The following ACAN variants were observed in gnomAD, a reference collection of about 807,000 sequenced individuals.
ACAN encodes the protein aggrecan core protein.
Under a neutral mutation model 169.1 loss-of-function variants are expected in ACAN, and 47 were observed. The ratio of observed to expected loss-of-function variants is 0.28; its 90% CI spans 0.22 to 0.35. The LOEUF (loss-of-function observed/expected upper bound fraction) is 0.35, where lower values mean the gene tolerates loss of function less well. Ranked by LOEUF, ACAN falls within the 10% of genes least tolerant of loss-of-function variation. ACAN has a pLI of 1.00. For synonymous variants in ACAN, 1,115 were observed against 1,112.2 expected, an observed-to-expected ratio of 1.00 and a Z score of -0.05; for missense variants, 2,716 against 2,759.9, an observed-to-expected ratio of 0.98 and a Z score of 0.36.
At position 88,872,984 on chromosome 15, in the gene ACAN, C is replaced by T. The variant is rs1008765397; in HGVS notation, c.7406C>T (p.Pro2469Leu). ...GAGAAGGGCGAGTGGAATGATGTTC[C>T]CTGCAATTACCACCTCCCCTTCACG... Reference protein sequence around the residue: ...WHEKGEWNDVPCNYHLPFTCK... With the variant: ...WHEKGEWNDVLCNYHLPFTCK... Residue 2469 changes from proline (P) to leucine (L), a missense_variant, in exon 17 of 19, where the codon CCC becomes CTC. Pro to Leu is a moderately conservative substitution (Grantham distance 98, BLOSUM62 -3). This residue lies in a region of ACAN where 1,389 missense variants were observed against 1,363.7 expected (regional missense o/e 1.02). Coordinates refer to ENST00000560601, the MANE Select transcript of ACAN (RefSeq NM_001369268.1). This position sits in a 1 kb window ranked among gnomAD's most constrained non-coding sequence, Gnocchi z 5.4. 1 of 1,613,640 alleles carries T rather than the reference C, an allele frequency of 6.2e-7. No individual in the cohort carries two copies. Among genetic ancestry groups the T allele is most frequent in the Non-Finnish European group, 8.5e-7 (1 of 1,179,820 alleles).
chr15:88,826,995 A>G (rs1051090342), intron 1 of ACAN, among the ~76,000 whole-genome samples: 10 of 152,188 alleles, frequency 6.6e-5, no homozygotes, highest in Non-Finnish European at 1.5e-4. Flanking sequence ...TCTCTGAGCC[A>G]TTGTCTTCCT....
At position 88,855,196 on chromosome 15, in the gene ACAN, A is replaced by G. The variant is rs1290760388; in HGVS notation, c.2611A>G (p.Thr871Ala). Residue 871 changes from threonine to alanine, a missense_variant, in exon 12 of 19, where the codon ACA (threonine) becomes GCA (alanine). Thr to Ala is a moderately conservative substitution (Grantham distance 58). Transcript: ENST00000560601. ...SGAPDVSGDF[T>A]GSGDVSGHLD... ...GGCCCCTGATGTCAGTGGTGACTTC[A>G]CAGGCAGTGGAGATGTTTCAGGACA... The G allele has an allele frequency of 6.2e-7, 1 of 1,607,190 alleles. No homozygotes were observed. Among genetic ancestry groups the G allele is most frequent in the South Asian group, 1.1e-5 (1 of 90,518 alleles).
At chr15:88,829,821 G>A (rs1269650191) in intron 1 of ACAN, among the ~76,000 whole-genome samples, 1 of 152,204 alleles carries the variant, frequency 6.6e-6, no homozygotes, top group Non-Finnish European at 1.5e-5. Flanking sequence ...ATACCATTTT[G>A]TGTTATTCCT....
At chr15:88,833,341 C>A (rs991041836) in intron 1 of ACAN, among the ~76,000 whole-genome samples, 1 of 152,166 alleles carries the variant, frequency 6.6e-6, no homozygotes, top group African/African-American at 2.4e-5. Context: ...GACTCTCACC[C>A]GGCCTTCACC....
intron 1 of ACAN, among the ~76,000 whole-genome samples, chr15:88,825,409 C>G (rs1343912264): frequency 6.6e-6 from 1 of 152,204 alleles, no homozygotes; most frequent in Non-Finnish European, 1.5e-5. Context: ...TTTCCAGAGG[C>G]CTCACCTATG....
At chr15:88,836,941 C>T (rs1409469445) in intron 2 of ACAN, among the ~76,000 whole-genome samples, 2 of 152,232 alleles carry the variant, frequency 1.3e-5, no homozygotes, top group African/African-American at 4.8e-5. Flanking sequence ...CCCCCACTGG[C>T]CATCCTCCAG....
At position 88,849,204 on chromosome 15, in the gene ACAN, C is replaced by T. The variant is rs1157966814; in HGVS notation, c.1733-234C>T. Among the ~76,000 whole-genome samples, 1 of 152,186 alleles carries T rather than the reference C, an allele frequency of 6.6e-6. No homozygotes were observed. Among genetic ancestry groups the T allele is most frequent in the Non-Finnish European group, 1.5e-5 (1 of 68,022 alleles). On this transcript the variant is annotated intron_variant, in intron 9 of 18. Transcript: ENST00000560601. This position sits in a 1 kb window ranked among gnomAD's most constrained non-coding sequence, Gnocchi z 5.1. ...TTTACGGGAATTTTGCCTTTTTTGG[C>T]ACCGAAAGTCCTATGTACCGGGAAA...
rs1897136821 is a variant in ACAN, at chr15:88,859,100, C to A, written c.6515C>A (p.Thr2172Asn). 2 of 1,613,768 alleles carry A rather than the reference C, an allele frequency of 1.2e-6. No individual in the cohort carries two copies. Among genetic ancestry groups the A allele is most frequent in the South Asian group, 1.1e-5 (1 of 91,094 alleles). The change falls in exon 12 of 19, where the codon ACC (threonine) becomes AAC (asparagine). Residue 2172 changes from threonine (T) to asparagine (N), a missense_variant. By Grantham distance (65) the Thr-to-Asn change is moderately conservative (BLOSUM62 0). Transcript: ENST00000560601. Reference protein sequence around the residue: ...SAAPEVSGESTTTSDVGTEAP... With the variant: ...SAAPEVSGESNTTSDVGTEAP... The stretch of plus-strand genomic sequence containing the variant: ...GCCCCAGAAGTGAGTGGAGAATCCA[C>A]CACCACCAGTGATGTGGGGACAGAG...
chr15:88,847,416 A>G lies in ACAN; in HGVS notation c.1603A>G (p.Arg535Gly). 3 of 1,569,486 alleles carry G rather than the reference A, an allele frequency of 1.9e-6. No homozygotes were observed. The highest frequency in any genetic ancestry group is 2.6e-6 in the Non-Finnish European group (3 of 1,153,358). ...DAGWLRDQTVRYPIVSPRTPC... is the reference protein window; with the variant it reads ...DAGWLRDQTVGYPIVSPRTPC... The stretch of plus-strand genomic sequence containing the variant: ...CGGCTGGCTGCGGGACCAGACCGTC[A>G]GGTGAAGCCATGCTCCTCGCCCAGC... The change falls in exon 8 of 19, where the codon AGA (arginine) becomes GGA (glycine). Residue 535 changes from arginine (R) to glycine (G), a missense_variant and splice_region_variant. Arg to Gly is a moderately radical substitution (Grantham distance 125). Coordinates refer to ENST00000560601, the MANE Select transcript of ACAN (RefSeq NM_001369268.1).
Position 88,838,532 on chromosome 15 carries a change from C to A in ACAN, c.71-131C>A. On this transcript the variant is annotated intron_variant, in intron 2 of 18. Coordinates refer to ENST00000560601, the MANE Select transcript of ACAN (RefSeq NM_001369268.1). This position sits in a 1 kb window ranked among gnomAD's most constrained non-coding sequence, Gnocchi z 5.1. Reference sequence around the variant, plus strand: ...CCACATGACACGGGAGCATCCCCATCATAGAGACAGACACACTCATCGGAT... The same window carrying A: ...CCACATGACACGGGAGCATCCCCATAATAGAGACAGACACACTCATCGGAT... 1.7e-6 allele frequency: 2 copies of A among 1,154,120 alleles called. No homozygotes were observed. Among genetic ancestry groups the A allele is most frequent in the Non-Finnish European group, 1.2e-6 (1 of 814,890 alleles). 71.5% of individuals were successfully genotyped at this position (1,154,120 alleles called of 1,614,324 possible).
rs1448873462 is a variant in ACAN, at chr15:88,869,029, G to A, written c.7060+700G>A. On this transcript the variant is annotated intron_variant, in intron 14 of 18. Coordinates refer to ENST00000560601, the MANE Select transcript of ACAN (RefSeq NM_001369268.1). This position sits in a 1 kb window ranked among gnomAD's most constrained non-coding sequence, Gnocchi z 4.2. ...GGGGGAGGACTGAGTTACCTCTCTT[G>A]GGCCTTGCCAACCTCTCCATTTCTG... Among the ~76,000 whole-genome samples the A allele has an allele frequency of 6.6e-6, 1 of 152,186 alleles. No individual in the cohort carries two copies. The highest frequency in any genetic ancestry group is 1.5e-5 in the Non-Finnish European group (1 of 68,034).
chr15:88,845,591 A>G lies in ACAN; in HGVS notation c.1138A>G (p.Met380Val). 6.2e-7 allele frequency: 1 copy of G among 1,614,056 alleles called. No individual in the cohort carries two copies. Among genetic ancestry groups the G allele is most frequent in the Non-Finnish European group, 8.5e-7 (1 of 1,179,910 alleles). ...CGTCCAGACAGTGACCTGGCCTGAC[A>G]TGGAGCTGCCACTGCCTCGAAACAT... ...ITVQTVTWPD[M>V]ELPLPRNITE... Residue 380 changes from methionine to valine, a missense_variant, in exon 7 of 19, where the codon ATG becomes GTG. Physicochemically the swap from Met to Val is conservative, Grantham distance 21. Around this residue, in one of 3 missense-constraint regions of ACAN, gnomAD observed 1,283 missense variants for 1,281.5 expected, o/e 1.00. Transcript: ENST00000560601.
chr15:88,840,255 G>A, intron 4 of ACAN, 69 bp downstream of exon 4: 1 of 1,479,820 alleles, frequency 6.8e-7, no homozygotes, highest in South Asian at 1.4e-5. Context: ...GCGGGTGCTG[G>A]GTGGAACGTT....
At position 88,874,415 on chromosome 15, in the gene ACAN, C is replaced by T. The variant is rs768189043; in HGVS notation, c.7641C>T (p.Tyr2547=). Residue 2547 remains tyrosine, a synonymous_variant, in exon 19 of 19, where the codon TAC becomes TAT. Transcript: ENST00000560601. This position sits in a 1 kb window ranked among gnomAD's most constrained non-coding sequence, Gnocchi z 7.3. ...TCCCTTTCGTCCTAGCCACCACCTA[C>T]AAACGCAGACTACAGAAGCGGAGCT... The part of the protein sequence containing the change: ...PQITCTDPTT[Y]KRRLQKRSSR... 1.1e-5 allele frequency: 18 copies of T among 1,605,828 alleles called. No individual in the cohort carries two copies. The highest frequency in any genetic ancestry group is 1.5e-5 in the Non-Finnish European group (18 of 1,176,562).
intron 2 of ACAN, among the ~76,000 whole-genome samples, chr15:88,837,762 G>A (rs551813957): frequency 1.3e-5 from 2 of 152,150 alleles, no homozygotes; most frequent in South Asian, 2.1e-4. Flanking sequence ...AGCATTCCTC[G>A]CTCCCCTCCC....
Position 88,857,554 on chromosome 15 carries a change from C to T in ACAN, c.4969C>T (p.Pro1657Ser). 2 of 1,613,974 alleles carry T rather than the reference C, an allele frequency of 1.2e-6. No individual in the cohort carries two copies. Among genetic ancestry groups the T allele is most frequent in the South Asian group, 2.2e-5 (2 of 91,088 alleles). ...CTTTAGTGGACTTCCATCTGGATTC[C>T]CAACTGTTTCCCTAGTGGATTCTAC... ...PDFSGLPSGFPTVSLVDSTLV... is the reference protein window; with the variant it reads ...PDFSGLPSGFSTVSLVDSTLV... Residue 1657 changes from proline (P) to serine (S), a missense_variant, in exon 12 of 19, where the codon CCA (proline) becomes TCA (serine). Transcript: ENST00000560601.
In ACAN at chr15:88,861,532, A is replaced by G. The variant is rs1239603713; in HGVS notation, c.6946+1093A>G. Among the ~76,000 whole-genome samples, 1 of 152,154 alleles carries G rather than the reference A, an allele frequency of 6.6e-6. No individual in the cohort carries two copies. Among genetic ancestry groups the G allele is most frequent in the Admixed American group, 6.5e-5 (1 of 15,274 alleles). ...CATGCTGTATACATGGTACATATGCAGTAACTATATATGTATATATAAACA... is the reference window on the plus strand; with the variant it reads ...CATGCTGTATACATGGTACATATGCGGTAACTATATATGTATATATAAACA... On this transcript the variant is annotated intron_variant, in intron 13 of 18. Transcript: ENST00000560601. The surrounding 1 kb of genome is among the most constrained non-coding windows in gnomAD (Gnocchi z 6.3).
In ACAN at chr15:88,838,441, T is replaced by G. The variant is rs536590044; in HGVS notation, c.71-222T>G. Among the ~76,000 whole-genome samples the G allele has an allele frequency of 6.6e-6, 1 of 152,188 alleles. No individual in the cohort carries two copies. Among genetic ancestry groups the G allele is most frequent in the African/African-American group, 2.4e-5 (1 of 41,506 alleles). On this transcript the variant is annotated intron_variant, in intron 2 of 18. Transcript: ENST00000560601. The surrounding 1 kb of genome is among the most constrained non-coding windows in gnomAD (Gnocchi z 5.1). Reference sequence around the variant, plus strand: ...TAGCTCCATAGTTTCTGTCTCGAGATGCAGAGGCCAGGGGTCTTGAGGAAC... The same window carrying G: ...TAGCTCCATAGTTTCTGTCTCGAGAGGCAGAGGCCAGGGGTCTTGAGGAAC...
At chr15:88,826,656 C>T (rs1896230300) in intron 1 of ACAN, among the ~76,000 whole-genome samples, 1 of 152,156 alleles carries the variant, frequency 6.6e-6, no homozygotes, top group Non-Finnish European at 1.5e-5. Context: ...GCCCATATTC[C>T]TGGGCAGAAC....
Sources: allele counts gnomAD v4.1 joint callset (sites outside exome capture counted in the v4.1 genomes callset), GRCh38; gene constraint gnomAD v4.1.1; regional missense constraint gnomAD v4.1.1; non-coding constraint Gnocchi (gnomAD v3.1); transcripts MANE v1.5; gene names NCBI Gene and HGNC (gene_info 2026-07-23, HGNC 2026-07-21).